The following ST6GALNAC5 variants were observed in gnomAD, a reference collection of about 807,000 sequenced individuals.
ST6GALNAC5 encodes the protein ST6 N-acetylgalactosaminide alpha-2,6-sialyltransferase 5.
Under a neutral mutation model 33.6 loss-of-function variants are expected in ST6GALNAC5, and 27 were observed. The observed-to-expected ratio is 0.80, with a 90% CI of 0.59 to 1.11. The LOEUF (loss-of-function observed/expected upper bound fraction) is 1.11, where lower values mean the gene tolerates loss of function less well. Among genes scored for constraint, ST6GALNAC5 ranks in the 50% least tolerant of loss-of-function variants. ST6GALNAC5 has a pLI of 0.00. For missense variants in ST6GALNAC5, 428 were observed against 454.0 expected (o/e 0.94, Z 0.52); for synonymous variants, 194 against 171.2 (o/e 1.13, Z -1.04).
chr1:76,954,580 T>C (rs893970434), intron 2 of ST6GALNAC5, among the ~76,000 whole-genome samples: 1 of 151,990 alleles, frequency 6.6e-6, no homozygotes, highest in Admixed American at 6.6e-5. Flanking sequence ...TGTAAATAAA[T>C]ACATATGTAA....
intron 2 of ST6GALNAC5, among the ~76,000 whole-genome samples, chr1:76,913,993 A>T (rs1646941443): frequency 6.6e-6 from 1 of 152,194 alleles, no homozygotes; most frequent in African/African-American, 2.4e-5. Flanking sequence ...ACTTCAGCAA[A>T]GTCTCAGGAA....
Position 77,066,426 on chromosome 1 carries a change from TC to T in ST6GALNAC5, c.*3221del, listed in dbSNP as rs1652781154. Among the ~76,000 whole-genome samples the T allele has an allele frequency of 1.3e-5, 2 of 152,280 alleles. No individual in the cohort carries two copies. Among genetic ancestry groups the T allele is most frequent in the South Asian group, 4.1e-4 (2 of 4,832 alleles). ...GACATGAGAATGGAGGGAAATAATC[TC>T]ATTTTGAAATAAAAACTCCCCTCAA... On this transcript the variant is annotated 3_prime_UTR_variant, in exon 5 of 5. Transcript: ENST00000477717.
chr1:76,975,558 G>A (rs1375346923), intron 2 of ST6GALNAC5, among the ~76,000 whole-genome samples: 1 of 152,114 alleles, frequency 6.6e-6, no homozygotes, highest in African/African-American at 2.4e-5. Context: ...ATGTAAGTGG[G>A]ATTAATATTG....
chr1:76,995,886 G>A (rs1256242774), intron 2 of ST6GALNAC5, among the ~76,000 whole-genome samples: 1 of 152,094 alleles, frequency 6.6e-6, no homozygotes, highest in Admixed American at 6.6e-5. Flanking sequence ...TCATTCCCAC[G>A]ACTAGCATGG....
At chr1:77,028,983 G>A (rs1407396581) in intron 2 of ST6GALNAC5, among the ~76,000 whole-genome samples, 1 of 152,310 alleles carries the variant, frequency 6.6e-6, no homozygotes, top group South Asian at 2.1e-4. Context: ...AACAGGAAAG[G>A]CAAGGACAGG....
At chr1:77,044,835 AG>A (rs1651955683) in intron 3 of ST6GALNAC5, among the ~76,000 whole-genome samples, 1 of 152,176 alleles carries the variant, frequency 6.6e-6, no homozygotes, top group South Asian at 2.1e-4. Context: ...TGGATATTTC[AG>A]GGCCTTATTT....
intron 2 of ST6GALNAC5, among the ~76,000 whole-genome samples, chr1:76,919,752 C>A (rs377417501): frequency 1.3e-5 from 2 of 152,122 alleles, no homozygotes; most frequent in African/African-American, 4.8e-5. Context: ...AACAAACAAA[C>A]AAACTTCTGA....
At chr1:76,935,673 T>C (rs1040264414) in intron 2 of ST6GALNAC5, among the ~76,000 whole-genome samples, 2 of 152,010 alleles carry the variant, frequency 1.3e-5, no homozygotes, top group African/African-American at 4.8e-5. Flanking sequence ...TTTTGAATAA[T>C]TGAACTGCAA....
chr1:76,872,086 C>T (rs991670754), intron 2 of ST6GALNAC5, among the ~76,000 whole-genome samples: 6 of 145,630 alleles, frequency 4.1e-5, no homozygotes, highest in Non-Finnish European at 1.5e-5. Context: ...CACACACACA[C>T]ACACACACAC....
chr1:76,897,211 G>A (rs901325118), intron 2 of ST6GALNAC5, among the ~76,000 whole-genome samples: 2 of 152,152 alleles, frequency 1.3e-5, no homozygotes, highest in African/African-American at 4.8e-5. Context: ...AGCAAAGAAA[G>A]GCTGGGATGA....
chr1:76,893,842 G>A (rs1006238434), intron 2 of ST6GALNAC5, among the ~76,000 whole-genome samples: 7 of 152,026 alleles, frequency 4.6e-5, no homozygotes, highest in African/African-American at 1.7e-4. Context: ...TGCATTTTTT[G>A]TAGAGACAGG....
At chr1:77,026,791 CTGAATGAATGAATGAATGAA>C (rs58272106) in intron 2 of ST6GALNAC5, among the ~76,000 whole-genome samples, 3 of 149,190 alleles carry the variant, frequency 2.0e-5, no homozygotes, top group African/African-American at 7.4e-5. Flanking sequence ...AGAACACTTT[CTGAATGAATGAATGAATGAA>C]TGAATGAATG....
chr1:76,918,814 G>C (rs1378109860), intron 2 of ST6GALNAC5, among the ~76,000 whole-genome samples: 2 of 152,006 alleles, frequency 1.3e-5, no homozygotes, highest in Non-Finnish European at 2.9e-5. Context: ...GGCACGCATA[G>C]AGTTTCAATG....
chr1:76,878,928 C>A (rs1224250929), intron 2 of ST6GALNAC5, among the ~76,000 whole-genome samples: 2 of 152,156 alleles, frequency 1.3e-5, no homozygotes, highest in African/African-American at 4.8e-5. Context: ...CTATGCCCAC[C>A]TTGCCTTTGA....
At chr1:76,912,537 C>T (rs914760386) in intron 2 of ST6GALNAC5, among the ~76,000 whole-genome samples, 32 of 151,770 alleles carry the variant, frequency 2.1e-4, no homozygotes, top group Admixed American at 1.8e-3. Context: ...TAAAGTCTCC[C>T]ATTATTATTG....
chr1:76,890,979 A>T (rs1009388954), intron 2 of ST6GALNAC5, among the ~76,000 whole-genome samples: 1 of 152,208 alleles, frequency 6.6e-6, no homozygotes, highest in Non-Finnish European at 1.5e-5. Context: ...TCATATCATT[A>T]AATATAAATT....
At chr1:76,970,409 G>A (rs980901294) in intron 2 of ST6GALNAC5, among the ~76,000 whole-genome samples, 1 of 151,956 alleles carries the variant, frequency 6.6e-6, no homozygotes, top group East Asian at 1.9e-4. Context: ...CATGACTCAT[G>A]CACAAGCTTC....
At chr1:76,985,993 T>C (rs1442269235) in intron 2 of ST6GALNAC5, among the ~76,000 whole-genome samples, 1 of 152,164 alleles carries the variant, frequency 6.6e-6, no homozygotes, top group Non-Finnish European at 1.5e-5. Flanking sequence ...TTATACCTTA[T>C]ACAAAAATTA....
At chr1:76,999,356 T>C (rs978483403) in intron 2 of ST6GALNAC5, among the ~76,000 whole-genome samples, 1 of 152,222 alleles carries the variant, frequency 6.6e-6, no homozygotes, top group Non-Finnish European at 1.5e-5. Context: ...ATCTAATATG[T>C]ACCTGCCTTT....
Sources: allele counts gnomAD v4.1 joint callset (sites outside exome capture counted in the v4.1 genomes callset), GRCh38; gene constraint gnomAD v4.1.1; transcripts MANE v1.5; gene names NCBI Gene and HGNC (gene_info 2026-07-23, HGNC 2026-07-21).